The following POC1A variants were observed in gnomAD, a reference collection of about 807,000 sequenced individuals.
POC1A encodes the protein POC1 centriolar protein homolog A.
POC1A carries 34 observed loss-of-function variants against 47.8 expected under a neutral mutation model. The ratio of observed to expected loss-of-function variants is 0.71; its 90% CI spans 0.54 to 0.95. POC1A has a LOEUF of 0.95. POC1A is among the 40% of genes least tolerant of loss of function. The pLI is 0.00. For missense variants in POC1A, 466 were observed against 528.3 expected, an observed-to-expected ratio of 0.88 and a Z score of 1.16; for synonymous variants, 177 against 207.6, an observed-to-expected ratio of 0.85 and a Z score of 1.27.
chr3:52,094,549 C>A (rs1702746044), intron 10 of POC1A, among the ~76,000 whole-genome samples: 1 of 152,266 alleles, frequency 6.6e-6, no homozygotes, highest in Non-Finnish European at 1.5e-5. Context: ...AACAGTCAAG[C>A]CCAAGGAGAA....
intron 10 of POC1A, among the ~76,000 whole-genome samples, chr3:52,082,911 C>T (rs561848329): frequency 6.6e-6 from 1 of 152,246 alleles, no homozygotes; most frequent in African/African-American, 2.4e-5. Flanking sequence ...TCTCTACTGA[C>T]ATAGAGTAAT....
intron 9 of POC1A, among the ~76,000 whole-genome samples, chr3:52,102,753 T>C (rs1159407906): frequency 2.0e-5 from 3 of 152,072 alleles, no homozygotes; most frequent in African/African-American, 7.3e-5. Flanking sequence ...ATGAGAAAAA[T>C]TGAAGACCTA....
chr3:52,138,647 A>G (rs2107161919), intron 6 of POC1A, among the ~76,000 whole-genome samples: 1 of 152,312 alleles, frequency 6.6e-6, no homozygotes, highest in Non-Finnish European at 1.5e-5. Context: ...ATACAAACAT[A>G]GCCTTTGGTC....
At chr3:52,142,127 G>A (rs943753366) in intron 6 of POC1A, among the ~76,000 whole-genome samples, 5 of 152,248 alleles carry the variant, frequency 3.3e-5, no homozygotes, top group East Asian at 1.9e-4. Context: ...TGCATGCTCC[G>A]CATCTGTGAA....
chr3:52,115,400 G>A (rs1399866783), intron 9 of POC1A, among the ~76,000 whole-genome samples: 3 of 152,096 alleles, frequency 2.0e-5, no homozygotes, highest in Non-Finnish European at 2.9e-5. Context: ...CTACAACACC[G>A]CTCTTGCTAA....
chr3:52,128,583 G>C (rs928210464), intron 7 of POC1A, among the ~76,000 whole-genome samples: 2 of 152,174 alleles, frequency 1.3e-5, no homozygotes, highest in Non-Finnish European at 2.9e-5. Flanking sequence ...GAACACCTGG[G>C]CTCTGCTGTG....
intron 10 of POC1A, among the ~76,000 whole-genome samples, chr3:52,093,735 T>C (rs1702718141): frequency 6.6e-6 from 1 of 152,208 alleles, no homozygotes; most frequent in South Asian, 2.1e-4. Context: ...TCCAGGCCTT[T>C]CCTTTACACA....
chr3:52,122,546 T>C, intron 8 of POC1A, 69 bp from the exon 9 acceptor site: 1 of 996,120 alleles, frequency 1.0e-6, no homozygotes, highest in Non-Finnish European at 1.6e-6. Flanking sequence ...ACTGAGGAAA[T>C]GGGCTCAGAG....
At chr3:52,086,733 T>C (rs897248220) in intron 10 of POC1A, among the ~76,000 whole-genome samples, 2 of 152,200 alleles carry the variant, frequency 1.3e-5, no homozygotes, top group Non-Finnish European at 2.9e-5. Context: ...AACCAGTACC[T>C]AATGGTCTGC....
chr3:52,103,833 A>AG (rs1491344374), intron 9 of POC1A, among the ~76,000 whole-genome samples: 4 of 152,166 alleles, frequency 2.6e-5, no homozygotes, highest in African/African-American at 9.7e-5. Flanking sequence ...TAAAAAAAAA[A>AG]CTGATCATGC....
At chr3:52,145,704 C>A (rs1420141955) in intron 6 of POC1A, 142 bp downstream of exon 6, 5 of 596,336 alleles carry the variant, frequency 8.4e-6, no homozygotes, top group Non-Finnish European at 1.5e-5. Flanking sequence ...ACTCCCACCC[C>A]TGGAATCCCA....
chr3:52,143,782 C>T lies in POC1A; in HGVS notation c.679+2064G>A, dbSNP rs139874142. ...CCCAACCCCAGCAGGCTCTGGACAC[C>T]GCTATCCTCTCAGATGTCCTTCTTC... On this transcript the variant is annotated intron_variant, in intron 6 of 10. Transcript: ENST00000296484. Among the ~76,000 whole-genome samples the T allele has an allele frequency of 5.3e-5, 8 of 152,328 alleles. No individual in the cohort carries two copies. The East Asian group carries it at 5.8e-4, about 11-fold the overall frequency.
At chr3:52,151,180 G>A (rs1055365636) in intron 1 of POC1A, 80 bp from the exon 2 acceptor site, 14 of 1,595,726 alleles carry the variant, frequency 8.8e-6, no homozygotes, top group Non-Finnish European at 1.2e-5. Context: ...TCCTACAACA[G>A]CCGGGGGAGT....
chr3:52,095,569 CAT>C (rs1342625006), intron 10 of POC1A, among the ~76,000 whole-genome samples: 1 of 152,010 alleles, frequency 6.6e-6, no homozygotes, highest in African/African-American at 2.4e-5. Context: ...TCGTGGGCCA[CAT>C]GTGTCCCTCT....
At chr3:52,083,518 C>G (rs1039315819) in intron 10 of POC1A, among the ~76,000 whole-genome samples, 1 of 152,206 alleles carries the variant, frequency 6.6e-6, no homozygotes. Context: ...GTGACCTCCC[C>G]TTCTTTCAGC....
At chr3:52,109,703 G>A (rs1485555454) in intron 9 of POC1A, among the ~76,000 whole-genome samples, 1 of 152,098 alleles carries the variant, frequency 6.6e-6, no homozygotes, top group Non-Finnish European at 1.5e-5. Flanking sequence ...TGATGGCAAC[G>A]AGTACTCAGC....
chr3:52,081,119 A>G (rs1354696693), intron 10 of POC1A, among the ~76,000 whole-genome samples: 1 of 152,258 alleles, frequency 6.6e-6, no homozygotes, highest in Non-Finnish European at 1.5e-5. Context: ...CCTTGGCCTT[A>G]AAATCACTTG....
rs1027939607 is a variant in POC1A, at chr3:52,090,381, G to A, written c.1125+6188C>T. Among the ~76,000 whole-genome samples, 1 of 152,224 alleles carries A rather than the reference G, an allele frequency of 6.6e-6. No homozygotes were observed. The highest frequency in any genetic ancestry group is 6.5e-5 in the Admixed American group (1 of 15,284). On this transcript the variant is annotated intron_variant, in intron 10 of 10. Transcript: ENST00000296484. The surrounding 1 kb of genome is among the most constrained non-coding windows in gnomAD (Gnocchi z 4.2). ...GCTTCTGAGGCAAAACCACCAAGCCGCGTGTTGGGCCTATGCCGGGCCCCC... is the reference window on the plus strand; with the variant it reads ...GCTTCTGAGGCAAAACCACCAAGCCACGTGTTGGGCCTATGCCGGGCCCCC...
chr3:52,151,216 T>A, intron 1 of POC1A, 116 bp from the exon 2 acceptor site: 1 of 1,467,072 alleles, frequency 6.8e-7, no homozygotes, highest in Non-Finnish European at 9.1e-7. Flanking sequence ...CAAGGCATGA[T>A]CTTATATAAA....
Sources: allele counts gnomAD v4.1 joint callset (sites outside exome capture counted in the v4.1 genomes callset), GRCh38; gene constraint gnomAD v4.1.1; non-coding constraint Gnocchi (gnomAD v3.1); transcripts MANE v1.5; gene names NCBI Gene and HGNC (gene_info 2026-07-23, HGNC 2026-07-21).